The following SENP2 variants were observed in gnomAD, a reference collection of about 807,000 sequenced individuals.
SENP2 encodes sentrin-specific protease 2.
SENP2 carries 16 observed loss-of-function variants against 86.3 expected under a neutral mutation model. That is an observed-to-expected ratio of 0.19 (90% CI 0.13 to 0.28). The LOEUF (loss-of-function observed/expected upper bound fraction) is 0.28, where lower values mean the gene tolerates loss of function less well. Ranked by LOEUF, SENP2 falls within the 10% of genes least tolerant of loss-of-function variation. The pLI is 1.00. For synonymous variants in SENP2, 222 were observed against 238.7 expected (o/e 0.93, Z 0.64); for missense variants, 552 against 703.0 (o/e 0.79, Z 2.43).
intron 6 of SENP2, among the ~76,000 whole-genome samples, chr3:185,608,808 A>G (rs1722596583): frequency 1.3e-5 from 2 of 152,220 alleles, no homozygotes; most frequent in Non-Finnish European, 2.9e-5. Flanking sequence ...ATCAAGTAAC[A>G]TAAGGACTGG....
At chr3:185,605,005 C>T (rs958600030) in intron 5 of SENP2, among the ~76,000 whole-genome samples, 1 of 151,358 alleles carries the variant, frequency 6.6e-6, no homozygotes, top group Non-Finnish European at 1.5e-5. Context: ...CCACCCGCCT[C>T]AGCCTCCCAA....
chr3:185,609,326 G>T lies in SENP2; in HGVS notation c.698G>T (p.Cys233Phe). 6.2e-7 allele frequency: 1 copy of T among 1,612,788 alleles called. No individual in the cohort carries two copies. The highest frequency in any genetic ancestry group is 8.5e-7 in the Non-Finnish European group (1 of 1,178,966). ...LKESGHGNSVCPVTSNYHSSQ... is the reference protein window; with the variant it reads ...LKESGHGNSVFPVTSNYHSSQ... Reference sequence around the variant, plus strand: ...GAAAGTGGTCATGGAAACTCTGTCTGTCCTGTAACTTCAAATTATCACAGG... The same window carrying T: ...GAAAGTGGTCATGGAAACTCTGTCTTTCCTGTAACTTCAAATTATCACAGG... Residue 233 changes from cysteine (C) to phenylalanine (F), a missense_variant, in exon 7 of 17, where the codon TGT becomes TTT. By Grantham distance (205) the Cys-to-Phe change is radical. Transcript: ENST00000296257.
chr3:185,624,484 C>T (rs1015771805), intron 15 of SENP2, among the ~76,000 whole-genome samples: 5 of 152,106 alleles, frequency 3.3e-5, no homozygotes, highest in African/African-American at 7.2e-5. Flanking sequence ...GCTAATTTCC[C>T]GGTTGGTGCT....
In SENP2 at chr3:185,612,628, G is replaced by T; in HGVS notation, c.839G>T (p.Gly280Val). The change falls in exon 9 of 17, where the codon GGA becomes GTA. Residue 280 changes from glycine (G) to valine (V), a missense_variant. Transcript: ENST00000296257. ...ACAGATAGACTTGTTGAAACAAGGG[G>T]ACCTCTATGTTCATTGAGAAGTGAA... The part of the protein sequence containing the change: ...PKQYRLVETR[G>V]PLCSLRSEKR... The T allele has an allele frequency of 3.1e-6, 5 of 1,609,298 alleles. No individual in the cohort carries two copies. Among genetic ancestry groups the T allele is most frequent in the Non-Finnish European group, 4.3e-6 (5 of 1,175,864 alleles).
At position 185,633,331 on chromosome 3, in the gene SENP2, CTCTTTTGTAACTGTTTGAG is replaced by C. The variant is rs1184666781; in HGVS notation, c.*3488_*3506del. 6.6e-6 allele frequency: 1 copy of C among 152,172 alleles called. No individual in the cohort carries two copies. Among genetic ancestry groups the C allele is most frequent in the Non-Finnish European group, 1.5e-5 (1 of 68,016 alleles). 9.4% of individuals were successfully genotyped at this position (152,172 alleles called of 1,614,324 possible). A position where few individuals can be genotyped will look rare whatever the true frequency, so the allele number is the denominator to read the frequency against. On this transcript the variant is annotated 3_prime_UTR_variant, in exon 17 of 17. Coordinates refer to ENST00000296257, the MANE Select transcript of SENP2 (RefSeq NM_021627.3). Reference sequence around the variant, plus strand: ...TTTGTGAACTGATTGGGAACCTAATCTCTTTTGTAACTGTTTGAGAAAAACTCTGAAGCACCTGATATTC... The same window carrying C: ...TTTGTGAACTGATTGGGAACCTAATCAAAAACTCTGAAGCACCTGATATTC...
At chr3:185,624,218 T>C (rs968944196) in intron 15 of SENP2, 136 bp downstream of exon 15, 3 of 584,164 alleles carry the variant, frequency 5.1e-6, no homozygotes, top group Middle Eastern at 2.6e-4. Flanking sequence ...TCTTTCTTTC[T>C]TTTTTGTAGA....
chr3:185,630,052 T>C lies in SENP2; in HGVS notation c.*208T>C, dbSNP rs1009572285. ...GCAATCCTGTTTGTAAGGCTGTGCC[T>C]GCTCAGAGCTTTGGACTGTTCAACC... is the stretch of plus-strand genomic sequence containing the variant. On this transcript the variant is annotated 3_prime_UTR_variant, in exon 17 of 17. Coordinates refer to ENST00000296257, the MANE Select transcript of SENP2 (RefSeq NM_021627.3). The C allele has an allele frequency of 6.3e-5, 35 of 557,054 alleles. No individual in the cohort carries two copies. Among genetic ancestry groups the C allele is most frequent in the Middle Eastern group, 4.8e-4 (1 of 2,104 alleles). 34.5% of individuals were successfully genotyped at this position (557,054 alleles called of 1,614,324 possible). A position where few individuals can be genotyped will look rare whatever the true frequency, so the allele number is the denominator to read the frequency against.
intron 14 of SENP2, among the ~76,000 whole-genome samples, 163 bp from the exon 15 acceptor site, chr3:185,623,826 CAAAAAAAAA>C (rs63707460): frequency 1.0e-4 from 5 of 47,788 alleles, no homozygotes; most frequent in African/African-American, 1.6e-4. Flanking sequence ...GACTCTGTCT[CAAAAAAAAA>C]AAAAAAAAAA....
intron 6 of SENP2, chr3:185,608,872 A>G (rs1323683232): frequency 6.3e-6 from 1 of 158,246 alleles, no homozygotes; most frequent in African/African-American, 2.4e-5. Context: ...TGGTGAGGCC[A>G]ATTCATTTTG....
intron 14 of SENP2, among the ~76,000 whole-genome samples, chr3:185,623,018 T>A (rs1711961068): frequency 6.6e-6 from 1 of 152,062 alleles, no homozygotes; most frequent in African/African-American, 2.4e-5. Flanking sequence ...GGTTTCTCCA[T>A]GTTGATCATG....
At chr3:185,603,981 C>T (rs753568554) in intron 5 of SENP2, among the ~76,000 whole-genome samples, 3 of 152,004 alleles carry the variant, frequency 2.0e-5, no homozygotes, top group Non-Finnish European at 4.4e-5. Context: ...ATTAGCTGGC[C>T]ATGGTGGCAC....
chr3:185,588,050 ATTTTTT>A (rs1196425963), intron 1 of SENP2, among the ~76,000 whole-genome samples: 9 of 64,786 alleles, frequency 1.4e-4, no homozygotes, highest in Admixed American at 2.1e-4. Context: ...CTACCGGCTA[ATTTTTT>A]TTTTTTTTTT....
Position 185,611,733 on chromosome 3 carries a change from G to T in SENP2, c.805G>T (p.Val269Phe), listed in dbSNP as rs1297433820. The change falls in exon 8 of 17, where the codon GTT becomes TTT. Residue 269 changes from valine to phenylalanine, a missense_variant. By Grantham distance (50) the Val-to-Phe change is conservative. Around this residue, in one of 2 missense-constraint regions of SENP2, gnomAD observed 383 missense variants for 427.3 expected, o/e 0.90. Transcript: ENST00000296257. ...QNHGVKTTQFVPKQYRLVETR... is the reference protein window; with the variant it reads ...QNHGVKTTQFFPKQYRLVETR... ...TCACGGAGTCAAAACAACTCAGTTT[G>T]TTCCAAAACAATGTGAGTTCCCAGA... 2 of 1,612,058 alleles carry T rather than the reference G, an allele frequency of 1.2e-6. No individual in the cohort carries two copies. The highest frequency in any genetic ancestry group is 1.7e-6 in the Non-Finnish European group (2 of 1,178,856).
rs1333755777 is a variant in SENP2 at position 185,632,214 on chromosome 3, TTTTTTTTTTGTTTTTTTTTTTTG to T, written c.*2380_*2402del. On this transcript the variant is annotated 3_prime_UTR_variant, in exon 17 of 17. Coordinates refer to ENST00000296257, the MANE Select transcript of SENP2 (RefSeq NM_021627.3). ...AAATTATCACCATTAAAGCCAGTGG[TTTTTTTTTTGTTTTTTTTTTTTG>T]TTTTTTTTTTTTTTTTTTGCGACAG... 9.3e-5 allele frequency: 5 copies of T among 53,982 alleles called. No individual in the cohort carries two copies. The highest frequency in any genetic ancestry group is 2.0e-4 in the Non-Finnish European group (5 of 25,364). The allele number at this position is 53,982 out of a possible 1,614,324, so 3.3% of individuals were successfully genotyped here.
In SENP2 at chr3:185,633,542, C is replaced by A. The variant is rs969589363; in HGVS notation, c.*3698C>A. On this transcript the variant is annotated 3_prime_UTR_variant, in exon 17 of 17. Coordinates refer to ENST00000296257, the MANE Select transcript of SENP2 (RefSeq NM_021627.3). ...TATCTATTTACCAATAAATTCATCTCTTTAATTCAGTGGCTTTCACTTGTT... is the reference window on the plus strand; with the variant it reads ...TATCTATTTACCAATAAATTCATCTATTTAATTCAGTGGCTTTCACTTGTT... 1.3e-5 allele frequency: 2 copies of A among 152,184 alleles called. No individual in the cohort carries two copies. The highest frequency in any genetic ancestry group is 2.1e-4 in the South Asian group (1 of 4,816). 9.4% of individuals were successfully genotyped at this position (152,184 alleles called of 1,614,324 possible).
At chr3:185,590,753 C>T (rs573102843) in intron 2 of SENP2, among the ~76,000 whole-genome samples, 5 of 140,458 alleles carry the variant, frequency 3.6e-5, no homozygotes, top group South Asian at 2.4e-4. Context: ...CACAGCTACT[C>T]GGGAGGCTGA....
chr3:185,595,445 A>G (rs950455948), intron 2 of SENP2, among the ~76,000 whole-genome samples: 5 of 152,152 alleles, frequency 3.3e-5, no homozygotes, highest in Non-Finnish European at 7.3e-5. Flanking sequence ...TGGTACTTAT[A>G]ACTATTAGCA....
At chr3:185,593,536 A>G (rs1722076554) in intron 2 of SENP2, among the ~76,000 whole-genome samples, 1 of 152,306 alleles carries the variant, frequency 6.6e-6, no homozygotes, top group Middle Eastern at 3.4e-3. Context: ...ATTATGTAAC[A>G]TTTGAATGAT....
Position 185,586,529 on chromosome 3 carries a change from G to A in SENP2, c.101+15G>A, listed in dbSNP as rs750621775. 3 of 1,608,586 alleles carry A rather than the reference G, an allele frequency of 1.9e-6. No homozygotes were observed. In the Admixed American group the frequency reaches 5.0e-5, roughly 27 times the overall value. ...CGCTCAGACAGGTGAGACGAGAGGGGGCTGAGCGCCAGCCTGGCCTTACCC... is the reference window on the plus strand; with the variant it reads ...CGCTCAGACAGGTGAGACGAGAGGGAGCTGAGCGCCAGCCTGGCCTTACCC... On this transcript the variant is annotated intron_variant, in intron 1 of 16. Coordinates refer to ENST00000296257, the MANE Select transcript of SENP2 (RefSeq NM_021627.3). This position sits in a 1 kb window ranked among gnomAD's most constrained non-coding sequence, Gnocchi z 4.3.
Sources: gnomAD v4.1 joint callset for allele counts (sites outside exome capture counted in the v4.1 genomes callset) on GRCh38, gnomAD v4.1.1 for gene constraint, gnomAD v4.1.1 regional missense constraint, Gnocchi (gnomAD v3.1) non-coding constraint, MANE v1.5 for transcripts, NCBI Gene and HGNC (gene_info 2026-07-23, HGNC 2026-07-21) for gene names.